Variants in HSD17B12 observed in about 807,000 individuals in gnomAD.
The protein encoded by HSD17B12 is hydroxysteroid 17-beta dehydrogenase 12, also known as very-long-chain 3-oxoacyl-CoA reductase.
A neutral mutation model predicts 39.3 loss-of-function variants in HSD17B12; 32 were observed. The ratio of observed to expected loss-of-function variants is 0.81; its 90% CI spans 0.61 to 1.09. HSD17B12 has a LOEUF of 1.09. Ranked by LOEUF, HSD17B12 falls within the 50% of genes least tolerant of loss-of-function variation. The pLI is 0.00. For synonymous variants in HSD17B12, 150 were observed against 146.7 expected (o/e 1.02, Z -0.16); for missense variants, 342 against 382.9 (o/e 0.89, Z 0.89).
At chr11:43,596,771 A>C in the HSD17B12 span, among the ~76,000 whole-genome samples, 4 of 152,212 alleles carry the variant, frequency 2.6e-5, no homozygotes, top group Non-Finnish European at 4.4e-5. Flanking sequence ...ATGAAAGACG[A>C]AATATCTGTC....
At chr11:43,771,840 C>T (rs190501824) in intron 3 of HSD17B12, among the ~76,000 whole-genome samples, 7 of 152,066 alleles carry the variant, frequency 4.6e-5, no homozygotes, top group African/African-American at 1.7e-4. Flanking sequence ...ACTGAGATAC[C>T]GAGTACATTT....
the HSD17B12 span, among the ~76,000 whole-genome samples, chr11:43,622,199 G>A: frequency 6.6e-6 from 1 of 152,214 alleles, no homozygotes; most frequent in South Asian, 2.1e-4. Context: ...CCCGGGGAGA[G>A]AGACGGGATG....
chr11:43,584,077 C>T, the HSD17B12 span, among the ~76,000 whole-genome samples: 1 of 152,122 alleles, frequency 6.6e-6, no homozygotes, highest in Non-Finnish European at 1.5e-5. Flanking sequence ...GTTTTGCATG[C>T]CGTCTTTCTC....
chr11:43,718,383 C>A (rs1950145513), intron 1 of HSD17B12, among the ~76,000 whole-genome samples: 1 of 152,154 alleles, frequency 6.6e-6, no homozygotes, highest in African/African-American at 2.4e-5. Flanking sequence ...ATCTTTTCAT[C>A]CAACTAAAGT....
chr11:43,816,302 C>T, intron 5 of HSD17B12, 45 bp from the exon 6 acceptor site: 1 of 1,397,578 alleles, frequency 7.2e-7, no homozygotes. Flanking sequence ...AATAGGGTCA[C>T]TTTCATGATC....
At chr11:43,846,959 G>A (rs1306623154) in intron 9 of HSD17B12, among the ~76,000 whole-genome samples, 1 of 152,204 alleles carries the variant, frequency 6.6e-6, no homozygotes, top group Admixed American at 6.5e-5. Flanking sequence ...CTCTGCTGTG[G>A]TTGAATTTAC....
At chr11:43,613,382 A>T in the HSD17B12 span, among the ~76,000 whole-genome samples, 2 of 150,526 alleles carry the variant, frequency 1.3e-5, no homozygotes, top group Non-Finnish European at 3.0e-5. Flanking sequence ...ACAGAGGGGA[A>T]CTCTGTCTCA....
At chr11:43,583,733 T>C in the HSD17B12 span, among the ~76,000 whole-genome samples, 1 of 151,812 alleles carries the variant, frequency 6.6e-6, no homozygotes, top group South Asian at 2.1e-4. Flanking sequence ...TCCCACTTAA[T>C]AAAGCTACCT....
intron 3 of HSD17B12, among the ~76,000 whole-genome samples, chr11:43,790,454 C>G (rs867598192): frequency 1.1e-4 from 16 of 152,288 alleles, no homozygotes; most frequent in African/African-American, 3.4e-4. Context: ...AGGAGTCCCC[C>G]CCGTGTCTGC....
At chr11:43,615,811 C>T in the HSD17B12 span, among the ~76,000 whole-genome samples, 1 of 152,134 alleles carries the variant, frequency 6.6e-6, no homozygotes, top group Non-Finnish European at 1.5e-5. Flanking sequence ...TTCAATAGTT[C>T]ATACTTCTCT....
chr11:43,568,317 G>C, the HSD17B12 span, among the ~76,000 whole-genome samples: 1 of 152,078 alleles, frequency 6.6e-6, no homozygotes, highest in East Asian at 1.9e-4. Flanking sequence ...TGGCCAGGCT[G>C]GTCTTGATCT....
chr11:43,593,408 CT>C, the HSD17B12 span, among the ~76,000 whole-genome samples: 90 of 152,150 alleles, frequency 5.9e-4, 1 homozygote, highest in South Asian at 0.015. Context: ...AATCTCAGAA[CT>C]TTTTTTTGCC....
At chr11:43,746,801 C>T (rs1282373893) in intron 1 of HSD17B12, among the ~76,000 whole-genome samples, 6 of 152,122 alleles carry the variant, frequency 3.9e-5, no homozygotes, top group African/African-American at 9.7e-5. Flanking sequence ...GTGATTAATG[C>T]ATTACGTTAT....
chr11:43,613,188 G>A, the HSD17B12 span, among the ~76,000 whole-genome samples: 1 of 152,140 alleles, frequency 6.6e-6, no homozygotes, highest in African/African-American at 2.4e-5. Flanking sequence ...CAAATCACTT[G>A]AAGCCAGGAG....
At chr11:43,686,534 C>T (rs1284200250) in intron 1 of HSD17B12, among the ~76,000 whole-genome samples, 1 of 151,346 alleles carries the variant, frequency 6.6e-6, no homozygotes, top group Non-Finnish European at 1.5e-5. Flanking sequence ...CCTGAGTTTA[C>T]ATTCCCTGAA....
chr11:43,630,388 T>C, the HSD17B12 span, among the ~76,000 whole-genome samples: 1 of 152,232 alleles, frequency 6.6e-6, no homozygotes, highest in African/African-American at 2.4e-5. Flanking sequence ...GGCCCAGCTA[T>C]ACTCAAAGCG....
chr11:43,847,715 C>CAAAAAAAAAAAAAAAAAA lies in HSD17B12; in HGVS notation c.685-6999_685-6982dup, dbSNP rs749195210. On this transcript the variant is annotated intron_variant, in intron 9 of 10. Coordinates refer to ENST00000278353, the MANE Select transcript of HSD17B12 (RefSeq NM_016142.3). ...GGTGGCAGAGCAAGACTCTGCCTCA[C>CAAAAAAAAAAAAAAAAAA]AAAAAAAAAAAAAAAAAAGAGAAAT... Among the ~76,000 whole-genome samples, 19 of 85,700 alleles carry CAAAAAAAAAAAAAAAAAA rather than the reference C, an allele frequency of 2.2e-4. 1 individual carries two copies. The highest frequency in any genetic ancestry group is 9.1e-4 in the African/African-American group (19 of 20,922). The allele number at this position is 85,700 out of a possible 152,430, so 56.2% of individuals were successfully genotyped here.
chr11:43,670,361 A>T, the HSD17B12 span: 2 of 152,182 alleles, frequency 1.3e-5, no homozygotes, highest in Non-Finnish European at 2.9e-5. Context: ...AATAAGCAAA[A>T]TGAAACACCA....
At chr11:43,672,176 G>A in the HSD17B12 span, among the ~76,000 whole-genome samples, 514 of 152,204 alleles carry the variant, frequency 3.4e-3, 2 homozygotes, top group East Asian at 0.03. Flanking sequence ...AGCCTCCCAA[G>A]TAGCTGGGAC....
Sources: allele counts gnomAD v4.1 joint callset (sites outside exome capture counted in the v4.1 genomes callset), GRCh38; gene constraint gnomAD v4.1.1; transcripts MANE v1.5; gene names NCBI Gene and HGNC (gene_info 2026-07-23, HGNC 2026-07-21).